The following CFAP95 variants were observed in gnomAD, a reference collection of about 807,000 sequenced individuals.
CFAP95 encodes the protein cilia- and flagella-associated protein 95.
chr9:69,902,949 C>T, the CFAP95 span, among the ~76,000 whole-genome samples: 20,182 of 152,060 alleles, frequency 0.13, 1,840 homozygotes, highest in African/African-American at 0.26. Context: ...ATTCCAAGTA[C>T]CTCAGTGTTC....
the CFAP95 span, among the ~76,000 whole-genome samples, chr9:69,887,801 A>AC: frequency 4.6e-5 from 7 of 152,276 alleles, no homozygotes; most frequent in South Asian, 1.5e-3. Flanking sequence ...GATTGCCTCC[A>AC]CCTTTTAAGC....
At chr9:69,870,065 T>C in the CFAP95 span, among the ~76,000 whole-genome samples, 1,529 of 152,298 alleles carry the variant, frequency 0.01, 11 homozygotes, top group Non-Finnish European at 0.016. Flanking sequence ...TGATTCTGTA[T>C]TTGACAGTTA....
the CFAP95 span, among the ~76,000 whole-genome samples, chr9:69,832,871 C>T: frequency 4.0e-5 from 6 of 151,532 alleles, no homozygotes; most frequent in South Asian, 2.1e-4. Context: ...CTACTGGGGG[C>T]GTTGGGAAAT....
At chr9:69,860,757 T>G in the CFAP95 span, among the ~76,000 whole-genome samples, 2 of 152,184 alleles carry the variant, frequency 1.3e-5, no homozygotes, top group Admixed American at 1.3e-4. Context: ...TAAAACTTTT[T>G]TCTTAAAAAC....
the CFAP95 span, among the ~76,000 whole-genome samples, chr9:69,841,164 T>TTTTATATATA: frequency 0.027 from 1,532 of 55,986 alleles, 138 homozygotes; most frequent in South Asian, 0.044. Context: ...CCAAGCTGGA[T>TTTTATATATA]TATATATATA....
the CFAP95 span, chr9:69,856,444 A>T: frequency 3.5e-6 from 2 of 576,700 alleles, no homozygotes; most frequent in South Asian, 5.3e-5. Flanking sequence ...TTTTAATGTC[A>T]ACTAGAGTCA....
At chr9:69,822,270 C>G in the CFAP95 span, among the ~76,000 whole-genome samples, 3 of 152,204 alleles carry the variant, frequency 2.0e-5, no homozygotes, top group African/African-American at 7.2e-5. Flanking sequence ...GACTCTAGCC[C>G]TAAGGCTAAG....
the CFAP95 span, among the ~76,000 whole-genome samples, chr9:69,847,833 G>A: frequency 1.3e-5 from 2 of 152,148 alleles, no homozygotes; most frequent in African/African-American, 4.8e-5. Flanking sequence ...TGCTGCAGGA[G>A]CTAATATGAG....
the CFAP95 span, among the ~76,000 whole-genome samples, chr9:69,890,045 T>A: frequency 1.3e-5 from 2 of 152,130 alleles, no homozygotes; most frequent in Non-Finnish European, 2.9e-5. Flanking sequence ...ATGTAACAAG[T>A]GTGATGGTTT....
chr9:69,849,436 C>T, the CFAP95 span, among the ~76,000 whole-genome samples: 3 of 152,178 alleles, frequency 2.0e-5, no homozygotes, highest in Non-Finnish European at 2.9e-5. Context: ...TTTTTTGAGG[C>T]CCCATTACTT....
chr9:69,845,458 C>G, the CFAP95 span, among the ~76,000 whole-genome samples: 1 of 152,146 alleles, frequency 6.6e-6, no homozygotes, highest in Non-Finnish European at 1.5e-5. Flanking sequence ...CCCCGCCCCC[C>G]AAGGCTGGGC....
chr9:69,862,633 CTG>C, the CFAP95 span, among the ~76,000 whole-genome samples: 1 of 152,274 alleles, frequency 6.6e-6, no homozygotes, highest in African/African-American at 2.4e-5. Flanking sequence ...AAAAGAAAGA[CTG>C]TAATCATAAG....
the CFAP95 span, chr9:69,821,034 G>T: frequency 6.2e-7 from 1 of 1,612,838 alleles, no homozygotes; most frequent in South Asian, 1.1e-5. Context: ...TATTCCTGGT[G>T]AGCGAAGTCC....
the CFAP95 span, among the ~76,000 whole-genome samples, chr9:69,855,150 A>T: frequency 6.6e-6 from 1 of 152,234 alleles, no homozygotes. Context: ...TAATGCATTT[A>T]AAGTGCTTAG....
the CFAP95 span, among the ~76,000 whole-genome samples, chr9:69,845,457 C>G: frequency 6.6e-6 from 1 of 152,138 alleles, no homozygotes; most frequent in African/African-American, 2.4e-5. Context: ...CCCCCGCCCC[C>G]CAAGGCTGGG....
chr9:69,857,141 G>C, the CFAP95 span, among the ~76,000 whole-genome samples: 1 of 152,264 alleles, frequency 6.6e-6, no homozygotes, highest in East Asian at 1.9e-4. Context: ...TAAGAATTAG[G>C]TAAGCTGTCA....
At chr9:69,833,820 A>G in the CFAP95 span, among the ~76,000 whole-genome samples, 3 of 152,192 alleles carry the variant, frequency 2.0e-5, no homozygotes, top group Admixed American at 6.5e-5. Flanking sequence ...TTGTGTAGTT[A>G]CGTTCATTAT....
chr9:69,855,535 T>C, the CFAP95 span, among the ~76,000 whole-genome samples: 2 of 152,124 alleles, frequency 1.3e-5, no homozygotes, highest in African/African-American at 2.4e-5. Flanking sequence ...AGAAGAGTAG[T>C]TGAGCTAAGG....
chr9:69,873,438 G>T, the CFAP95 span, among the ~76,000 whole-genome samples: 1 of 151,064 alleles, frequency 6.6e-6, no homozygotes, highest in Non-Finnish European at 1.5e-5. Flanking sequence ...TTGTTTGTTT[G>T]TTTTTGTGAA....
Sources: gnomAD v4.1 joint callset for allele counts (sites outside exome capture counted in the v4.1 genomes callset) on GRCh38, gnomAD v4.1.1 for gene constraint, MANE v1.5 for transcripts, NCBI Gene and HGNC (gene_info 2026-07-23, HGNC 2026-07-21) for gene names.